Variants in COL4A3 observed in about 807,000 individuals in gnomAD.
COL4A3 encodes collagen type IV alpha 3 chain.
COL4A3 carries 135 observed loss-of-function variants against 217.4 expected under a neutral mutation model. The observed-to-expected ratio is 0.62, with a 90% confidence interval of 0.54 to 0.72. The LOEUF is 0.72. COL4A3 is among the 30% of genes least tolerant of loss of function. The probability of loss-of-function intolerance (pLI) is 0.00; values close to 1 mark genes in which losing one functional copy is unlikely to be tolerated. For missense variants in COL4A3, 1,868 were observed against 2,119.9 expected (o/e 0.88, Z 2.33); for synonymous variants, 690 against 736.3 (o/e 0.94, Z 1.02).
rs59354201 is a variant in COL4A3 at position 227,254,935 on chromosome 2, C to G, written c.888+220C>G. Among the ~76,000 whole-genome samples, 6,922 of 152,242 alleles carry G rather than the reference C, an allele frequency of 0.045. 399 individuals are homozygous for G. Among genetic ancestry groups the G allele is most frequent in the East Asian group, 0.15 (757 of 5,186 alleles). On this transcript the variant is annotated intron_variant, in intron 15 of 51. Transcript: ENST00000396578. ...GCCTGAAAACATAAGGGCAGGACTCCCTCTCCATCTCACTTCTGCTTCTCT... is the reference window on the plus strand; with the variant it reads ...GCCTGAAAACATAAGGGCAGGACTCGCTCTCCATCTCACTTCTGCTTCTCT...
chr2:227,228,368 G>C (rs1251909458), intron 1 of COL4A3: 1 of 152,590 alleles, frequency 6.6e-6, no homozygotes, highest in Non-Finnish European at 1.5e-5. Flanking sequence ...GTCTGGCACG[G>C]TTTGGCTATA....
At chr2:227,244,491 T>C in intron 4 of COL4A3, 127 bp downstream of exon 4, 1 of 906,252 alleles carries the variant, frequency 1.1e-6, no homozygotes, top group South Asian at 1.4e-5. Flanking sequence ...CAGGTAATAC[T>C]AATCTGTAAT....
At chr2:227,217,553 A>G (rs2067572781) in intron 1 of COL4A3, among the ~76,000 whole-genome samples, 1 of 152,208 alleles carries the variant, frequency 6.6e-6, no homozygotes, top group African/African-American at 2.4e-5. Flanking sequence ...GAAAAAGCTG[A>G]TATTGAGCAT....
At chr2:227,236,375 C>T (rs1224502231) in intron 1 of COL4A3, among the ~76,000 whole-genome samples, 4 of 152,200 alleles carry the variant, frequency 2.6e-5, no homozygotes, top group Admixed American at 6.5e-5. Context: ...GCAAGGCCTA[C>T]TGCCCAAGAC....
At position 227,226,666 on chromosome 2, in the gene COL4A3, C is replaced by A. The variant is rs559535233; in HGVS notation, c.88-11302C>A. On this transcript the variant is annotated intron_variant, in intron 1 of 51. Transcript: ENST00000396578. ...TGTATTTTTAGTAGAGACGGGGTTTCCCCCAGTTGGCCAGGCTGGCCTTGA... is the reference window on the plus strand; with the variant it reads ...TGTATTTTTAGTAGAGACGGGGTTTACCCCAGTTGGCCAGGCTGGCCTTGA... Among the ~76,000 whole-genome samples the A allele has an allele frequency of 7.7e-4, 118 of 152,286 alleles. 1 individual carries two copies. The highest frequency in any genetic ancestry group is 2.7e-3 in the African/African-American group (113 of 41,576).
Position 227,254,186 on chromosome 2 carries a change from A to G in COL4A3, c.828+12A>G. 6.2e-7 allele frequency: 1 copy of G among 1,610,818 alleles called. No individual in the cohort carries two copies. ...CTCCTGGACCCTCAGTAGGTTATTTAAAGTTATATTGTCCCCATAACACAT... is the reference window on the plus strand; with the variant it reads ...CTCCTGGACCCTCAGTAGGTTATTTGAAGTTATATTGTCCCCATAACACAT... On this transcript the variant is annotated intron_variant, in intron 14 of 51. Transcript: ENST00000396578.
At chr2:227,302,997 A>T in intron 43 of COL4A3, 41 bp from the exon 44 acceptor site, 1 of 1,387,280 alleles carries the variant, frequency 7.2e-7, no homozygotes, top group Non-Finnish European at 1.0e-6. Context: ...GAGTGATTTT[A>T]AAAATTTGTT....
chr2:227,264,775 T>G (rs1486766843), intron 21 of COL4A3: 1 of 152,188 alleles, frequency 6.6e-6, no homozygotes, highest in Non-Finnish European at 1.5e-5. Context: ...AAGGCTGACA[T>G]ACAGAGTTCA....
chr2:227,240,239 C>T lies in COL4A3; in HGVS notation c.234+7C>T. 2 of 1,605,026 alleles carry T rather than the reference C, an allele frequency of 1.2e-6. No individual in the cohort carries two copies. The highest frequency in any genetic ancestry group is 1.3e-5 in the African/African-American group (1 of 74,904). The stretch of plus-strand genomic sequence containing the variant: ...TGGACCGCAGGGACCCAAGGTATGT[C>T]ATCCTGCAAGCTTGGAAAATCCCCA... On this transcript the variant is annotated splice_region_variant and intron_variant, in intron 3 of 51. Coordinates refer to ENST00000396578, the MANE Select transcript of COL4A3 (RefSeq NM_000091.5).
chr2:227,290,393 G>A (rs1274669898), intron 36 of COL4A3, among the ~76,000 whole-genome samples: 5 of 152,074 alleles, frequency 3.3e-5, no homozygotes, highest in Admixed American at 6.5e-5. Context: ...CCAGCTACTC[G>A]GGAGGCTGAG....
intron 1 of COL4A3, among the ~76,000 whole-genome samples, chr2:227,222,945 T>C (rs1197683222): frequency 1.3e-5 from 2 of 152,232 alleles, no homozygotes; most frequent in Non-Finnish European, 2.9e-5. Context: ...CTAAATACTT[T>C]TAATCAACCA....
chr2:227,264,188 A>G (rs1559879264), intron 21 of COL4A3, among the ~76,000 whole-genome samples: 1 of 152,224 alleles, frequency 6.6e-6, no homozygotes, highest in Non-Finnish European at 1.5e-5. Context: ...AGGGACAAAG[A>G]GAGTGATGTG....
intron 18 of COL4A3, 168 bp from the exon 19 acceptor site, chr2:227,259,625 C>A: frequency 5.0e-6 from 3 of 595,814 alleles, no homozygotes; most frequent in Non-Finnish European, 9.0e-6. Flanking sequence ...TAAATTTTTC[C>A]ACCTACATTT....
At chr2:227,233,841 T>C (rs7588474) in intron 1 of COL4A3, among the ~76,000 whole-genome samples, 49,101 of 151,636 alleles carry the variant, frequency 0.32, 8,314 homozygotes, top group Non-Finnish European at 0.36. Context: ...GCGGGTCCTA[T>C]GGATTCTTGC....
At chr2:227,280,098 G>A (rs537654838) in intron 29 of COL4A3, among the ~76,000 whole-genome samples, 3 of 152,240 alleles carry the variant, frequency 2.0e-5, no homozygotes, top group East Asian at 3.9e-4. Context: ...AGATTTCATC[G>A]TGATATCATC....
chr2:227,253,547 GT>G lies in COL4A3; in HGVS notation c.688-9del. 5.6e-6 allele frequency: 9 copies of G among 1,608,858 alleles called. No homozygotes were observed. The highest frequency in any genetic ancestry group is 7.7e-6 in the Non-Finnish European group (9 of 1,175,184). ...GTTGTTTATTTTCTCACTCCTGAGT[GT>G]TTTTGTCTTTAGGGTGTGAAAGGGT... On this transcript the variant is annotated splice_polypyrimidine_tract_variant and intron_variant, in intron 12 of 51. Coordinates refer to ENST00000396578, the MANE Select transcript of COL4A3 (RefSeq NM_000091.5). This position sits in a 1 kb window ranked among gnomAD's most constrained non-coding sequence, Gnocchi z 4.4.
chr2:227,257,913 G>A (rs930980268), intron 18 of COL4A3, among the ~76,000 whole-genome samples: 2 of 152,208 alleles, frequency 1.3e-5, no homozygotes, highest in Non-Finnish European at 2.9e-5. Flanking sequence ...CAGGCCCAAG[G>A]TGATCCTGCC....
At chr2:227,281,147 C>G in intron 31 of COL4A3, 141 bp downstream of exon 31, 1 of 720,712 alleles carries the variant, frequency 1.4e-6, no homozygotes, top group East Asian at 2.7e-5. Context: ...GAAGTGTAAA[C>G]CTTGCTGTTA....
chr2:227,249,230 A>ATATATATT, intron 9 of COL4A3, among the ~76,000 whole-genome samples: 18 of 14,696 alleles, frequency 1.2e-3, no homozygotes, highest in South Asian at 4.3e-3. Context: ...ATATATATAT[A>ATATATATT]TTTTTTTTTT....
Sources: allele counts gnomAD v4.1 joint callset (sites outside exome capture counted in the v4.1 genomes callset), GRCh38; gene constraint gnomAD v4.1.1; non-coding constraint Gnocchi (gnomAD v3.1); transcripts MANE v1.5; gene names NCBI Gene and HGNC (gene_info 2026-07-23, HGNC 2026-07-21).